Variants in FLT1 observed in about 807,000 individuals in gnomAD.
FLT1 encodes fms related receptor tyrosine kinase 1.
A neutral mutation model predicts 156.3 loss-of-function variants in FLT1; 49 were observed. That is an observed-to-expected ratio of 0.31 (90% CI 0.25 to 0.40). The LOEUF (loss-of-function observed/expected upper bound fraction) is 0.40. Among genes scored for constraint, FLT1 ranks in the 10% least tolerant of loss-of-function variants. The pLI is 1.00. For synonymous variants in FLT1, 594 were observed against 583.8 expected, an observed-to-expected ratio of 1.02 and a Z score of -0.25; for missense variants, 1,322 against 1,637.2, an observed-to-expected ratio of 0.81 and a Z score of 3.32.
chr13:28,456,519 C>T (rs1006412599), intron 3 of FLT1, among the ~76,000 whole-genome samples: 14 of 152,010 alleles, frequency 9.2e-5, no homozygotes, highest in Admixed American at 5.9e-4. Flanking sequence ...GTTTGCCGGC[C>T]GGGCACAGTG....
chr13:28,371,714 C>A (rs1362134711), intron 14 of FLT1, among the ~76,000 whole-genome samples: 1 of 151,990 alleles, frequency 6.6e-6, no homozygotes, highest in African/African-American at 2.4e-5. Context: ...AACCTTCTAT[C>A]CATGAAATTG....
At chr13:28,311,146 G>A (rs1472229974) in intron 27 of FLT1, among the ~76,000 whole-genome samples, 1 of 152,032 alleles carries the variant, frequency 6.6e-6, no homozygotes. Flanking sequence ...TTAGTAAGAT[G>A]AGGTCTCTCT....
rs2138801815 is a variant in FLT1, at chr13:28,303,277, C to A, written c.3907G>T (p.Gly1303Cys). ...CHSSCGHVSE[G>C]KRRFTYDHAE... ...TGGTCGTAGGTGAACCTGCGCTTGC[C>A]TTCGCTGACGTGCCCACAGCTGGAA... The change falls in exon 30 of 30, where the codon GGC becomes TGC. Residue 1303 changes from glycine to cysteine, a missense_variant. Gly to Cys is a radical substitution (Grantham distance 159, BLOSUM62 -3). Coordinates refer to ENST00000282397, the MANE Select transcript of FLT1 (RefSeq NM_002019.4). The A allele has an allele frequency of 6.2e-7, 1 of 1,614,066 alleles. No homozygotes were observed. Among genetic ancestry groups the A allele is most frequent in the Non-Finnish European group, 8.5e-7 (1 of 1,180,024 alleles).
chr13:28,334,848 A>G (rs1046310468), intron 17 of FLT1, among the ~76,000 whole-genome samples: 2 of 152,060 alleles, frequency 1.3e-5, no homozygotes, highest in African/African-American at 2.4e-5. Context: ...TTCTTTCCCT[A>G]TCCTAGAATG....
chr13:28,383,426 G>A (rs944431179), intron 14 of FLT1, among the ~76,000 whole-genome samples: 2 of 152,200 alleles, frequency 1.3e-5, no homozygotes, highest in African/African-American at 2.4e-5. Flanking sequence ...CACTTTGGGA[G>A]GCTGAGGCAG....
chr13:28,395,409 G>C lies in FLT1; in HGVS notation c.1660+1551C>G, dbSNP rs187278762. On this transcript the variant is annotated intron_variant, in intron 12 of 29. Coordinates refer to ENST00000282397, the MANE Select transcript of FLT1 (RefSeq NM_002019.4). ...ATATGGTAACTGTGAGCCACATGTG[G>C]CTTTTGAGCACTTGAAATGTGGCTA... Among the ~76,000 whole-genome samples, 20 of 152,254 alleles carry C rather than the reference G, an allele frequency of 1.3e-4. No individual in the cohort carries two copies. The East Asian group carries it at 3.9e-3, about 29-fold the overall frequency.
intron 3 of FLT1, among the ~76,000 whole-genome samples, chr13:28,460,661 AC>A (rs1879519634): frequency 2.4e-5 from 1 of 41,382 alleles, no homozygotes; most frequent in African/African-American, 8.4e-5. Context: ...CCCTCCCCCC[AC>A]CCCACCCCCC....
intron 10 of FLT1, among the ~76,000 whole-genome samples, chr13:28,406,997 G>T (rs757598057): frequency 6.6e-6 from 1 of 152,050 alleles, no homozygotes. Flanking sequence ...TTAAACTATC[G>T]CATCTGCAGG....
chr13:28,417,859 A>C (rs1024542941), intron 10 of FLT1, among the ~76,000 whole-genome samples: 1 of 151,744 alleles, frequency 6.6e-6, no homozygotes, highest in African/African-American at 2.4e-5. Context: ...AGCAGCCTCT[A>C]TGTCCCCATT....
chr13:28,403,967 G>A (rs1386548684), intron 11 of FLT1, among the ~76,000 whole-genome samples: 14 of 151,790 alleles, frequency 9.2e-5, no homozygotes, highest in South Asian at 4.2e-4. Context: ...ACTTGAACCC[G>A]GGAGGCAGAC....
intron 18 of FLT1, 30 bp downstream of exon 18, chr13:28,333,995 C>T: frequency 7.6e-7 from 1 of 1,318,160 alleles, no homozygotes; most frequent in Non-Finnish European, 1.1e-6. Context: ...GGTGATGGGT[C>T]AGTTGAAAGC....
At chr13:28,488,723 G>A (rs1226356636) in intron 1 of FLT1, among the ~76,000 whole-genome samples, 1 of 152,120 alleles carries the variant, frequency 6.6e-6, no homozygotes, top group Non-Finnish European at 1.5e-5. Flanking sequence ...GGGTAGTCCT[G>A]CCAGGAACCC....
rs879763229 is a variant in FLT1, at chr13:28,300,523, A to ACACACCCACC, written c.*2643_*2644insGGTGGGTGTG. ...TTATGCACAAAACACACATACACCC[A>ACACACCCACC]CACACACACACACACACACACACAC... On this transcript the variant is annotated 3_prime_UTR_variant, in exon 30 of 30. Transcript: ENST00000282397. 14 of 15,318 alleles carry ACACACCCACC rather than the reference A, an allele frequency of 9.1e-4. No individual in the cohort carries two copies. The highest frequency in any genetic ancestry group is 2.6e-3 in the Admixed American group (1 of 378). The allele number at this position is 15,318 out of a possible 1,614,324, so 0.9% of individuals were successfully genotyped here.
At chr13:28,309,921 G>A (rs1870928706) in intron 27 of FLT1, among the ~76,000 whole-genome samples, 1 of 104,774 alleles carries the variant, frequency 9.5e-6, no homozygotes, top group Non-Finnish European at 1.7e-5. Context: ...ACAGAGCCTT[G>A]CTCTGTCACC....
intron 20 of FLT1, 62 bp downstream of exon 20, chr13:28,327,400 G>T (rs1315474417): frequency 3.0e-6 from 3 of 986,990 alleles, no homozygotes; most frequent in African/African-American, 1.6e-5. Context: ...GCTTTATGTT[G>T]TTACAGACTA....
At chr13:28,485,253 AG>A (rs2137663454) in intron 1 of FLT1, among the ~76,000 whole-genome samples, 1 of 152,068 alleles carries the variant, frequency 6.6e-6, no homozygotes, top group South Asian at 2.1e-4. Flanking sequence ...CTCCAGAAAA[AG>A]GTGCTAAATC....
intron 14 of FLT1, among the ~76,000 whole-genome samples, chr13:28,374,988 A>G (rs1022483837): frequency 1.3e-5 from 2 of 152,162 alleles, no homozygotes; most frequent in African/African-American, 4.8e-5. Context: ...ATGATCCCTC[A>G]GTTGGACCTT....
rs1566279497 is a variant in FLT1, at chr13:28,311,535, C to CT, written c.3635+54dup. Reference sequence around the variant, plus strand: ...TTTCTTTCTCTTTCGTCTTTCTTTCCTTCTTTTTTTTGTTGGAAAATTCTG... The same window carrying CT: ...TTTCTTTCTCTTTCGTCTTTCTTTCCTTTCTTTTTTTTGTTGGAAAATTCTG... On this transcript the variant is annotated intron_variant, in intron 27 of 29. Coordinates refer to ENST00000282397, the MANE Select transcript of FLT1 (RefSeq NM_002019.4). The CT allele has an allele frequency of 2.3e-5, 33 of 1,428,486 alleles. 1 individual carries two copies. The highest frequency in any genetic ancestry group is 6.8e-5 in the East Asian group (3 of 43,914). 88.5% of individuals were successfully genotyped at this position (1,428,486 alleles called of 1,614,324 possible). A position where few individuals can be genotyped will look rare whatever the true frequency, so the allele number is the denominator to read the frequency against.
intron 10 of FLT1, among the ~76,000 whole-genome samples, chr13:28,417,391 C>G (rs978982218): frequency 6.6e-6 from 1 of 152,098 alleles, no homozygotes; most frequent in Non-Finnish European, 1.5e-5. Context: ...CTTCAGGGCC[C>G]GGATCCCACC....
Sources: allele counts gnomAD v4.1 joint callset (sites outside exome capture counted in the v4.1 genomes callset), GRCh38; gene constraint gnomAD v4.1.1; transcripts MANE v1.5; gene names NCBI Gene and HGNC (gene_info 2026-07-23, HGNC 2026-07-21).